Variants in ZNF398 observed in about 807,000 individuals in gnomAD.
The protein encoded by ZNF398 is zinc finger protein 398.
ZNF398 carries 18 observed loss-of-function variants against 41.9 expected under a neutral mutation model. The ratio of observed to expected loss-of-function variants is 0.43; its 90% CI spans 0.30 to 0.64. ZNF398 has a LOEUF of 0.64. ZNF398 is among the 30% of genes least tolerant of loss of function. The pLI is 0.14. For missense variants in ZNF398, 669 were observed against 822.8 expected, an observed-to-expected ratio of 0.81 and a Z score of 2.29; for synonymous variants, 260 against 308.8, an observed-to-expected ratio of 0.84 and a Z score of 1.66.
chr7:149,166,944 G>A lies in ZNF398; in HGVS notation c.661+14G>A, dbSNP rs756168832. On this transcript the variant is annotated intron_variant, in intron 4 of 5. Coordinates refer to ENST00000475153, the MANE Select transcript of ZNF398 (RefSeq NM_170686.3). ...ACCCCAGTGAAGGTAAGTGGGAGAA[G>A]AGATTCCTACTTCTTGTCTCCCTTT... The A allele has an allele frequency of 1.0e-5, 16 of 1,562,092 alleles. 1 individual carries two copies. Among genetic ancestry groups the A allele is most frequent in the African/African-American group, 5.4e-5 (4 of 73,766 alleles).
Position 149,181,341 on chromosome 7 carries a change from GA to G in ZNF398, c.*1542del, listed in dbSNP as rs1795586051. The G allele has an allele frequency of 1.3e-5, 2 of 152,154 alleles. No homozygotes were observed. The allele number at this position is 152,154 out of a possible 1,614,324, so 9.4% of individuals were successfully genotyped here. A position where few individuals can be genotyped will look rare whatever the true frequency, so the allele number is the denominator to read the frequency against. On this transcript the variant is annotated 3_prime_UTR_variant, in exon 6 of 6. Transcript: ENST00000475153. ...TGATTTGTTGTTTTACTCCCACTTG[GA>G]ATCCTGAGGTAGAAGACAGAATGCA...
chr7:149,128,643 G>T (rs1029377063), intron 1 of ZNF398, among the ~76,000 whole-genome samples: 2 of 148,042 alleles, frequency 1.4e-5, no homozygotes, highest in African/African-American at 4.9e-5. Context: ...TATTTGGGAG[G>T]CAGAGGTGGG....
chr7:149,164,623 G>A (rs1795188208), intron 2 of ZNF398, among the ~76,000 whole-genome samples: 1 of 152,046 alleles, frequency 6.6e-6, no homozygotes, highest in Non-Finnish European at 1.5e-5. Context: ...ACCACAAAGT[G>A]CCCTTAGTAA....
In ZNF398 at chr7:149,180,154, T is replaced by C; in HGVS notation, c.*353T>C. On this transcript the variant is annotated 3_prime_UTR_variant, in exon 6 of 6. Coordinates refer to ENST00000475153, the MANE Select transcript of ZNF398 (RefSeq NM_170686.3). The stretch of plus-strand genomic sequence containing the variant: ...CAGCAGGTTGATAGTAGATTATGTC[T>C]CTAGGTAGAGACAGATACATGAGAA... 5.3e-6 allele frequency: 1 copy of C among 188,690 alleles called. No individual in the cohort carries two copies. Among genetic ancestry groups the C allele is most frequent in the Non-Finnish European group, 1.1e-5 (1 of 90,812 alleles). The allele number at this position is 188,690 out of a possible 1,614,324, so 11.7% of individuals were successfully genotyped here.
chr7:149,155,687 A>T (rs1256702515), intron 2 of ZNF398, among the ~76,000 whole-genome samples: 3 of 94,728 alleles, frequency 3.2e-5, no homozygotes, highest in Non-Finnish European at 6.2e-5. Flanking sequence ...ATTTGGTTAT[A>T]TATATATATA....
intron 2 of ZNF398, among the ~76,000 whole-genome samples, chr7:149,158,486 T>C (rs1795031617): frequency 6.6e-6 from 1 of 152,198 alleles, no homozygotes; most frequent in African/African-American, 2.4e-5. Context: ...TTCTCCATAG[T>C]ACATTTTGTT....
At position 149,180,944 on chromosome 7, in the gene ZNF398, A is replaced by G. The variant is rs1585548163; in HGVS notation, c.*1143A>G. The stretch of plus-strand genomic sequence containing the variant: ...GTGGACAGATTGAGGAAATTCCTAG[A>G]TCACTGAGAGCTAAGCACCATGCAT... On this transcript the variant is annotated 3_prime_UTR_variant, in exon 6 of 6. Transcript: ENST00000475153. 1 of 152,580 alleles carries G rather than the reference A, an allele frequency of 6.6e-6. No homozygotes were observed. Among genetic ancestry groups the G allele is most frequent in the East Asian group, 1.9e-4 (1 of 5,186 alleles). The allele number at this position is 152,580 out of a possible 1,614,324, so 9.5% of individuals were successfully genotyped here.
chr7:149,151,193 G>T lies in ZNF398; in HGVS notation c.25-2752G>T. The T allele has an allele frequency of 9.3e-6, 11 of 1,178,678 alleles. 1 individual carries two copies. The South Asian group carries it at 1.7e-4, about 18-fold the overall frequency. The allele number at this position is 1,178,678 out of a possible 1,614,324, so 73.0% of individuals were successfully genotyped here. ...GTATGTGGTGACAGCAGTTTACCTG[G>T]TGATTTCCTCTAGGCACGCTTACTA... On this transcript the variant is annotated intron_variant, in intron 1 of 5. Transcript: ENST00000475153.
intron 2 of ZNF398, among the ~76,000 whole-genome samples, chr7:149,136,641 T>C (rs544052416): frequency 7.6e-4 from 115 of 152,054 alleles, no homozygotes; most frequent in African/African-American, 2.5e-3. Flanking sequence ...GATCTAGGCT[T>C]ACTGCAACCT....
intron 2 of ZNF398, among the ~76,000 whole-genome samples, chr7:149,131,253 A>G (rs75518536): frequency 7.5e-4 from 115 of 152,342 alleles, no homozygotes; most frequent in African/African-American, 2.5e-3. Context: ...GATACAAAAA[A>G]TTCTTATTAC....
Position 149,147,958 on chromosome 7 carries a change from C to T in ZNF398, c.24+192C>T, listed in dbSNP as rs1051850661. Among the ~76,000 whole-genome samples, 1 of 152,138 alleles carries T rather than the reference C, an allele frequency of 6.6e-6. No homozygotes were observed. ...GCGGGTGGGTGTGAAACCGCCCACCCGGGGACACCAGGCTGGGCCGCAGGT... is the reference window on the plus strand; with the variant it reads ...GCGGGTGGGTGTGAAACCGCCCACCTGGGGACACCAGGCTGGGCCGCAGGT... On this transcript the variant is annotated intron_variant, in intron 1 of 5. Coordinates refer to ENST00000475153, the MANE Select transcript of ZNF398 (RefSeq NM_170686.3). The surrounding 1 kb of genome is among the most constrained non-coding windows in gnomAD (Gnocchi z 5.6).
At chr7:149,135,304 G>A (rs1826685575) in intron 2 of ZNF398, among the ~76,000 whole-genome samples, 1 of 149,498 alleles carries the variant, frequency 6.7e-6, no homozygotes, top group Non-Finnish European at 1.5e-5. Context: ...GCAGGAGAAT[G>A]GCATGAACCT....
chr7:149,166,714 C>T (rs976829222), intron 3 of ZNF398, 103 bp from the exon 4 acceptor site: 1 of 718,732 alleles, frequency 1.4e-6, no homozygotes, highest in South Asian at 1.8e-5. Context: ...AAAGAAATTC[C>T]CTGGCACTGT....
At chr7:149,166,122 A>C (rs773551746) in intron 2 of ZNF398, 36 bp from the exon 3 acceptor site, 4 of 1,566,744 alleles carry the variant, frequency 2.6e-6, no homozygotes, top group Non-Finnish European at 3.4e-6. Context: ...ACTGAATTAT[A>C]ATGGAAGGGA....
chr7:149,143,142 A>AGAAAG (rs1554460831), upstream of ZNF398, among the ~76,000 whole-genome samples: 2 of 150,584 alleles, frequency 1.3e-5, no homozygotes, highest in Admixed American at 6.7e-5. Flanking sequence ...CTCCATCTCA[A>AGAAAG]AAAAGAAAAG....
intron 4 of ZNF398, among the ~76,000 whole-genome samples, chr7:149,173,091 CTATTTTTTTTTTTTT>C (rs1353262903): frequency 2.4e-4 from 16 of 67,194 alleles, no homozygotes; most frequent in African/African-American, 6.9e-4. Flanking sequence ...GTGGCAATTT[CTATTTTTTTTTTTTT>C]TTTTTTTTTT....
intron 4 of ZNF398, among the ~76,000 whole-genome samples, chr7:149,168,975 A>C (rs1236473766): frequency 6.6e-6 from 1 of 152,204 alleles, no homozygotes; most frequent in Admixed American, 6.5e-5. Context: ...AATAAAGATG[A>C]GTGACTTGAC....
At chr7:149,141,404 T>C (rs1826820793) in intron 2 of ZNF398, among the ~76,000 whole-genome samples, 1 of 150,420 alleles carries the variant, frequency 6.6e-6, no homozygotes, top group Non-Finnish European at 1.5e-5. Flanking sequence ...CAAGCGATTC[T>C]TCCATCTCAG....
chr7:149,140,008 TAATAA>T (rs1174517968), intron 2 of ZNF398, among the ~76,000 whole-genome samples: 1 of 151,740 alleles, frequency 6.6e-6, no homozygotes. Flanking sequence ...AAGAAAAAAA[TAATAA>T]AATAAAATAA....
Sources: gnomAD v4.1 joint callset for allele counts (sites outside exome capture counted in the v4.1 genomes callset) on GRCh38, gnomAD v4.1.1 for gene constraint, Gnocchi (gnomAD v3.1) non-coding constraint, MANE v1.5 for transcripts, NCBI Gene and HGNC (gene_info 2026-07-23, HGNC 2026-07-21) for gene names.